Variants in PCDH9 observed in about 807,000 individuals in gnomAD.
PCDH9 encodes the protein protocadherin 9.
In PCDH9, 24 loss-of-function variants were observed where a neutral mutation model predicts 70.6. That is an observed-to-expected ratio of 0.34 (90% CI 0.25 to 0.48). PCDH9 has a LOEUF of 0.48. PCDH9 is among the 20% of genes least tolerant of loss of function. The probability of loss-of-function intolerance (pLI) is 0.99; values close to 1 mark genes in which losing one functional copy is unlikely to be tolerated. For synonymous variants in PCDH9, 562 were observed against 558.5 expected, an observed-to-expected ratio of 1.01 and a Z score of -0.09; for missense variants, 1,281 against 1,503.6, an observed-to-expected ratio of 0.85 and a Z score of 2.45.
chr13:66,932,040 A>T (rs2082820008), intron 2 of PCDH9, among the ~76,000 whole-genome samples: 1 of 152,150 alleles, frequency 6.6e-6, no homozygotes, highest in South Asian at 2.1e-4. Flanking sequence ...GATTAGTGAG[A>T]GGAAAGTCAG....
At chr13:66,615,885 A>G (rs2077349308) in intron 4 of PCDH9, among the ~76,000 whole-genome samples, 2 of 152,208 alleles carry the variant, frequency 1.3e-5, no homozygotes, top group South Asian at 2.1e-4. Flanking sequence ...TTTGGAAACT[A>G]TCTGTGGGTA....
intron 4 of PCDH9, among the ~76,000 whole-genome samples, chr13:66,424,568 TAA>T (rs1024914572): frequency 1.3e-5 from 2 of 151,920 alleles, no homozygotes; most frequent in Admixed American, 1.3e-4. Flanking sequence ...ATAAATAAAG[TAA>T]AAGTCTGTAT....
intron 2 of PCDH9, among the ~76,000 whole-genome samples, chr13:66,936,213 C>T (rs751828486): frequency 5.9e-5 from 9 of 152,182 alleles, no homozygotes; most frequent in Non-Finnish European, 8.8e-5. Flanking sequence ...TGTTAGCACA[C>T]TCAATCAGTC....
intron 4 of PCDH9, among the ~76,000 whole-genome samples, chr13:66,571,855 G>A (rs1321429923): frequency 6.6e-6 from 1 of 151,946 alleles, no homozygotes; most frequent in South Asian, 2.1e-4. Context: ...GCTGGGTTTT[G>A]GATATAAATG....
rs370723983 is a variant in PCDH9 at position 66,738,966 on chromosome 13, G to A, written c.3139-107555C>T. Among the ~76,000 whole-genome samples the A allele has an allele frequency of 9.0e-3, 1,157 of 129,124 alleles. 6 individuals carry two copies. Among genetic ancestry groups the A allele is most frequent in the Non-Finnish European group, 0.013 (800 of 60,212 alleles). The allele number at this position is 129,124 out of a possible 152,430, so 84.7% of individuals were successfully genotyped here. ...CCCCAATCTAGCAAGGCAGGCCAAC[G>A]TTCAGATTCAGGAAATACAGAGAAC... On this transcript the variant is annotated intron_variant, in intron 3 of 4. Transcript: ENST00000377865.
intron 4 of PCDH9, among the ~76,000 whole-genome samples, chr13:66,563,125 G>T (rs1305660444): frequency 6.6e-6 from 1 of 152,036 alleles, no homozygotes; most frequent in Non-Finnish European, 1.5e-5. Flanking sequence ...TCTTGACTTT[G>T]TTGTGTTGTA....
intron 4 of PCDH9, among the ~76,000 whole-genome samples, chr13:66,428,897 T>C (rs1362401506): frequency 6.6e-6 from 1 of 151,802 alleles, no homozygotes; most frequent in Non-Finnish European, 1.5e-5. Context: ...TAAATTGGCT[T>C]AAAAATATAA....
chr13:67,103,821 C>A (rs1310509155), intron 2 of PCDH9, among the ~76,000 whole-genome samples: 3 of 151,966 alleles, frequency 2.0e-5, no homozygotes, highest in African/African-American at 7.2e-5. Context: ...AGTGGGGAAC[C>A]ATCGAAAATC....
rs536000279 is a variant in PCDH9 at position 67,084,709 on chromosome 13, G to A, written c.3036+140696C>T. ...TTGCCGGCCCAGCATGGTGGCTCAC[G>A]CCTGTAATCCTAGCACTTTGGTGGC... On this transcript the variant is annotated intron_variant, in intron 2 of 4. Transcript: ENST00000377865. Among the ~76,000 whole-genome samples the A allele has an allele frequency of 3.3e-5, 5 of 151,772 alleles. No individual in the cohort carries two copies. The East Asian group carries it at 7.8e-4, about 24-fold the overall frequency.
At chr13:67,037,361 G>A (rs2085030827) in intron 2 of PCDH9, among the ~76,000 whole-genome samples, 1 of 151,952 alleles carries the variant, frequency 6.6e-6, no homozygotes, top group South Asian at 2.1e-4. Flanking sequence ...CTGAGCCTGG[G>A]GATATTTATA....
chr13:66,564,466 T>C (rs2076623388), intron 4 of PCDH9, among the ~76,000 whole-genome samples: 1 of 152,136 alleles, frequency 6.6e-6, no homozygotes, highest in Non-Finnish European at 1.5e-5. Context: ...ACACTAGTCA[T>C]TGATTTGCTC....
At chr13:66,849,517 T>TAGAGAG (rs58589562) in intron 3 of PCDH9, among the ~76,000 whole-genome samples, 787 of 63,500 alleles carry the variant, frequency 0.012, 22 homozygotes, top group East Asian at 0.043. Context: ...TATATATATA[T>TAGAGAG]AGAGAGAGAG....
Position 67,188,706 on chromosome 13 carries a change from A to G in PCDH9, c.3036+36699T>C, listed in dbSNP as rs190048042. 7.2e-4 allele frequency among the ~76,000 whole-genome samples: 109 copies of G among 152,280 alleles called. 2 individuals are homozygous for G. Among genetic ancestry groups the G allele is most frequent in the Non-Finnish European group, 1.2e-3 (79 of 68,002 alleles). On this transcript the variant is annotated intron_variant, in intron 2 of 4. Transcript: ENST00000377865. ...TTATGCTTTCACTCTTATAATATCTATAACTTCATGGGAATAATTCTATTT... is the reference window on the plus strand; with the variant it reads ...TTATGCTTTCACTCTTATAATATCTGTAACTTCATGGGAATAATTCTATTT...
intron 4 of PCDH9, among the ~76,000 whole-genome samples, chr13:66,346,372 C>T (rs995486931): frequency 6.6e-6 from 1 of 152,188 alleles, no homozygotes; most frequent in Non-Finnish European, 1.5e-5. Flanking sequence ...TGCATACAGA[C>T]ATATCTCTAC....
intron 3 of PCDH9, among the ~76,000 whole-genome samples, chr13:66,828,345 T>G (rs2080860705): frequency 6.6e-6 from 1 of 152,144 alleles, no homozygotes; most frequent in African/African-American, 2.4e-5. Flanking sequence ...AAGAGTGACA[T>G]GAATTTATAA....
At chr13:66,560,426 G>T (rs1172673316) in intron 4 of PCDH9, among the ~76,000 whole-genome samples, 1 of 150,960 alleles carries the variant, frequency 6.6e-6, no homozygotes, top group African/African-American at 2.5e-5. Flanking sequence ...TAAGGAGCTG[G>T]ACCTTGTGCA....
intron 2 of PCDH9, among the ~76,000 whole-genome samples, chr13:66,968,748 C>T (rs572301777): frequency 3.1e-4 from 47 of 152,090 alleles, no homozygotes; most frequent in African/African-American, 1.1e-3. Flanking sequence ...CAGAAACCTC[C>T]TTCTAAGATG....
intron 4 of PCDH9, among the ~76,000 whole-genome samples, chr13:66,466,038 A>C (rs534262312): frequency 1.8e-4 from 28 of 152,090 alleles, no homozygotes; most frequent in African/African-American, 6.7e-4. Flanking sequence ...AAAATATAGA[A>C]ACCTGGTTCT....
intron 2 of PCDH9, among the ~76,000 whole-genome samples, chr13:67,022,106 C>CTTTTT (rs71110623): frequency 5.6e-5 from 2 of 35,408 alleles, no homozygotes; most frequent in African/African-American, 2.6e-4. Flanking sequence ...AGGTGATGTT[C>CTTTTT]TTTTTTTTTT....
Sources: allele counts gnomAD v4.1 joint callset (sites outside exome capture counted in the v4.1 genomes callset), GRCh38; gene constraint gnomAD v4.1.1; transcripts MANE v1.5; gene names NCBI Gene and HGNC (gene_info 2026-07-23, HGNC 2026-07-21).